ARPC2: variants seen among roughly 807,000 people sequenced by gnomAD.
The protein encoded by ARPC2 is actin related protein 2/3 complex subunit 2, also known as actin-related protein 2/3 complex subunit 2.
ARPC2 carries 4 observed loss-of-function variants against 38.6 expected under a neutral mutation model. The observed-to-expected ratio is 0.10, with a 90% CI of 0.05 to 0.24. The LOEUF (loss-of-function observed/expected upper bound fraction) is 0.24, where lower values mean the gene tolerates loss of function less well. Ranked by LOEUF, ARPC2 falls within the 10% of genes least tolerant of loss-of-function variation. The pLI is 1.00. For missense variants in ARPC2, 229 were observed against 387.3 expected (o/e 0.59, Z 3.43); for synonymous variants, 125 against 140.8 (o/e 0.89, Z 0.79).
At chr2:218,219,418 C>A (rs1358395541) in intron 2 of ARPC2, among the ~76,000 whole-genome samples, 10 of 151,306 alleles carry the variant, frequency 6.6e-5, no homozygotes, top group Admixed American at 5.9e-4. Flanking sequence ...GGCGCGATCT[C>A]TGCTCACTGC....
At chr2:218,239,066 C>G (rs1689846732) in intron 6 of ARPC2, 1 of 565,816 alleles carries the variant, frequency 1.8e-6, no homozygotes, top group African/African-American at 1.9e-5. Flanking sequence ...GAAAGAGAAT[C>G]CAGTGCTTTC....
chr2:218,217,604 C>A, intron 2 of ARPC2, 60 bp downstream of exon 2: 1 of 1,488,156 alleles, frequency 6.7e-7, no homozygotes, highest in Non-Finnish European at 9.2e-7. Context: ...CAGCTAATCC[C>A]CAATGTTGTC....
intron 2 of ARPC2, among the ~76,000 whole-genome samples, chr2:218,219,760 C>G (rs1387935377): frequency 2.0e-5 from 3 of 152,042 alleles, no homozygotes; most frequent in African/African-American, 7.2e-5. Flanking sequence ...TTTATTCTGG[C>G]CCATCTCCCC....
intron 8 of ARPC2, 128 bp downstream of exon 8, chr2:218,245,674 T>A: frequency 7.7e-7 from 1 of 1,299,172 alleles, no homozygotes; most frequent in Non-Finnish European, 1.1e-6. Context: ...CTTGTTCCTG[T>A]TGCCATTGCA....
intron 4 of ARPC2, among the ~76,000 whole-genome samples, chr2:218,229,792 A>T (rs548375067): frequency 6.6e-6 from 1 of 152,234 alleles, no homozygotes; most frequent in Non-Finnish European, 1.5e-5. Flanking sequence ...AGTTCAAAGA[A>T]AGAAGAAATA....
rs10169718 is a variant in ARPC2, at chr2:218,238,857, A to T, written c.455+7A>T. Reference sequence around the variant, plus strand: ...ATAGGGATGATGAGACCATGTGAGTATAGAATTTGGTCCTGAAGCCTGGAT... The same window carrying T: ...ATAGGGATGATGAGACCATGTGAGTTTAGAATTTGGTCCTGAAGCCTGGAT... On this transcript the variant is annotated splice_region_variant and intron_variant, in intron 6 of 10. Transcript: ENST00000315717. 3 of 1,600,116 alleles carry T rather than the reference A, an allele frequency of 1.9e-6. No homozygotes were observed. Among genetic ancestry groups the T allele is most frequent in the East Asian group, 2.2e-5 (1 of 44,476 alleles).
chr2:218,218,420 C>G (rs1345552751), intron 2 of ARPC2, among the ~76,000 whole-genome samples: 1 of 152,272 alleles, frequency 6.6e-6, no homozygotes, highest in African/African-American at 2.4e-5. Context: ...TCCAAGGCAG[C>G]CTCTCTGCCA....
intron 4 of ARPC2, among the ~76,000 whole-genome samples, chr2:218,230,730 C>T (rs763098518): frequency 2.0e-5 from 3 of 152,122 alleles, no homozygotes; most frequent in Non-Finnish European, 4.4e-5. Context: ...CAGTGGCACA[C>T]ACCTGTAGTG....
chr2:218,242,974 T>C (rs1276727563), intron 7 of ARPC2, among the ~76,000 whole-genome samples: 1 of 152,212 alleles, frequency 6.6e-6, no homozygotes, highest in African/African-American at 2.4e-5. Context: ...ATCAAATTAA[T>C]CAGTCTTGCC....
At chr2:218,228,232 G>A (rs1373025469) in intron 3 of ARPC2, among the ~76,000 whole-genome samples, 2 of 151,860 alleles carry the variant, frequency 1.3e-5, no homozygotes, top group African/African-American at 2.4e-5. Flanking sequence ...GTGAAACCCC[G>A]TCTGTACTAA....
At chr2:218,222,153 GC>G (rs776926056) in intron 2 of ARPC2, among the ~76,000 whole-genome samples, 2 of 152,128 alleles carry the variant, frequency 1.3e-5, no homozygotes, top group Non-Finnish European at 2.9e-5. Flanking sequence ...TGTAATCCCA[GC>G]TACTCAGGAA....
rs902027049 is a variant in ARPC2 at position 218,245,497 on chromosome 2, G to T, written c.627G>T (p.Leu209=). 1.3e-5 allele frequency: 21 copies of T among 1,614,056 alleles called. No homozygotes were observed. Among genetic ancestry groups the T allele is most frequent in the Non-Finnish European group, 1.7e-5 (20 of 1,180,024 alleles). The change falls in exon 8 of 11, where the codon CTG becomes CTT. Residue 209 remains leucine (L), a synonymous_variant. Coordinates refer to ENST00000315717, the MANE Select transcript of ARPC2 (RefSeq NM_152862.3). ...GCCACAGGGAACCTCCTCTGGAGCTGAAAGACACAGACGCCGCTGTGGGTG... is the reference window on the plus strand; with the variant it reads ...GCCACAGGGAACCTCCTCTGGAGCTTAAAGACACAGACGCCGCTGTGGGTG... The part of the protein sequence containing the change: ...LFSHREPPLE[L]KDTDAAVGDN...
intron 2 of ARPC2, among the ~76,000 whole-genome samples, chr2:218,221,875 A>G (rs1384266377): frequency 6.6e-6 from 1 of 152,226 alleles, no homozygotes; most frequent in East Asian, 1.9e-4. Context: ...GAAGATTTAA[A>G]GGAGAATGCT....
At chr2:218,217,431 C>T (rs1244888680) in intron 1 of ARPC2, 32 bp from the exon 2 acceptor site, 2 of 1,608,880 alleles carry the variant, frequency 1.2e-6, no homozygotes, top group Non-Finnish European at 1.7e-6. Context: ...CCCACCCTCA[C>T]CGGCCCTTGT....
At chr2:218,245,162 A>G (rs1690001606) in intron 7 of ARPC2, among the ~76,000 whole-genome samples, 1 of 152,252 alleles carries the variant, frequency 6.6e-6, no homozygotes. Flanking sequence ...AGTGCAAAGG[A>G]AAAGGATTAT....
intron 4 of ARPC2, among the ~76,000 whole-genome samples, chr2:218,230,271 CTTTTCTTTTTTTTTTCTTTTTTT>C (rs1689599032): frequency 7.0e-6 from 1 of 142,522 alleles, no homozygotes; most frequent in Non-Finnish European, 1.5e-5. Flanking sequence ...CGTGCCCAGC[CTTTTCTTTTTTTTTTCTTTTTTT>C]TTTTTTTTTT....
chr2:218,253,093 C>T (rs533900447), intron 10 of ARPC2: 7 of 420,668 alleles, frequency 1.7e-5, no homozygotes, highest in Admixed American at 1.1e-4. Flanking sequence ...ATGGGCCGCC[C>T]AGAATTGAAC....
chr2:218,239,339 CA>C, intron 6 of ARPC2, 51 bp from the exon 7 acceptor site: 1 of 1,351,148 alleles, frequency 7.4e-7, no homozygotes, highest in South Asian at 1.2e-5. Context: ...AAGTTATTGA[CA>C]AAACCCCATT....
Position 218,217,535 on chromosome 2 carries a change from C to T in ARPC2, c.65C>T (p.Ala22Val), listed in dbSNP as rs1689281259. The T allele has an allele frequency of 6.2e-7, 1 of 1,612,242 alleles. No homozygotes were observed. The highest frequency in any genetic ancestry group is 1.7e-5 in the Admixed American group (1 of 59,898). ...ACGCTCGCGCTCAAGTTCGAGAACGCGGCCGCCGGGTGAGCGCGCGCCCGG... is the reference window on the plus strand; with the variant it reads ...ACGCTCGCGCTCAAGTTCGAGAACGTGGCCGCCGGGTGAGCGCGCGCCCGG... ...EETLALKFEN[A>V]AAGNKPEAVE... is the part of the protein sequence containing the mutation. Residue 22 changes from alanine to valine, a missense_variant, in exon 2 of 11, where the codon GCG becomes GTG. By Grantham distance (64) the Ala-to-Val change is moderately conservative. This residue lies in a region of ARPC2 where 135 missense variants were observed against 214.1 expected (regional missense o/e 0.63). Coordinates refer to ENST00000315717, the MANE Select transcript of ARPC2 (RefSeq NM_152862.3).
Sources: allele counts gnomAD v4.1 joint callset (sites outside exome capture counted in the v4.1 genomes callset), GRCh38; gene constraint gnomAD v4.1.1; regional missense constraint gnomAD v4.1.1; transcripts MANE v1.5; gene names NCBI Gene and HGNC (gene_info 2026-07-23, HGNC 2026-07-21).